Variants in MYH10 observed in about 807,000 individuals in gnomAD.
MYH10 encodes the protein myosin-10.
Under a neutral mutation model 257.8 loss-of-function variants are expected in MYH10, and 55 were observed. The ratio of observed to expected loss-of-function variants is 0.21; its 90% confidence interval spans 0.17 to 0.27. The LOEUF (loss-of-function observed/expected upper bound fraction) is 0.27, where lower values mean the gene tolerates loss of function less well. Among genes scored for constraint, MYH10 ranks in the 10% least tolerant of loss-of-function variants. The pLI, the probability that MYH10 is intolerant of heterozygous loss-of-function variation, is 1.00. For missense variants in MYH10, 1,631 were observed against 2,500.6 expected, an observed-to-expected ratio of 0.65 and a Z score of 7.42; for synonymous variants, 854 against 921.7, an observed-to-expected ratio of 0.93 and a Z score of 1.33.
At chr17:8,511,497 G>A (rs751781811) in intron 24 of MYH10, among the ~76,000 whole-genome samples, 2 of 152,112 alleles carry the variant, frequency 1.3e-5, no homozygotes, top group Non-Finnish European at 2.9e-5. Flanking sequence ...TCCAGCCTGG[G>A]CAACAAAGCG....
At chr17:8,612,535 G>A (rs1025581963) in intron 2 of MYH10, among the ~76,000 whole-genome samples, 3 of 152,010 alleles carry the variant, frequency 2.0e-5, no homozygotes, top group East Asian at 1.9e-4. Context: ...CTCCCACCAC[G>A]CCTAAATTGT....
At chr17:8,620,409 AG>A (rs1346528354) in intron 2 of MYH10, among the ~76,000 whole-genome samples, 3 of 152,218 alleles carry the variant, frequency 2.0e-5, no homozygotes, top group Admixed American at 2.0e-4. Flanking sequence ...AAACAGTATT[AG>A]AGAAGACATT....
intron 3 of MYH10, among the ~76,000 whole-genome samples, chr17:8,598,569 CTA>C (rs1484102403): frequency 2.0e-5 from 3 of 152,122 alleles, no homozygotes; most frequent in Admixed American, 2.0e-4. Context: ...AAAAAATTGT[CTA>C]TTATCTATTT....
At chr17:8,608,811 T>A (rs1316636719) in intron 2 of MYH10, among the ~76,000 whole-genome samples, 2 of 114,600 alleles carry the variant, frequency 1.7e-5, no homozygotes, top group African/African-American at 7.8e-5. Context: ...GATTGGGAAA[T>A]TTTTTTTTTT....
chr17:8,519,315 A>G (rs2081573925), intron 19 of MYH10, among the ~76,000 whole-genome samples: 1 of 152,168 alleles, frequency 6.6e-6, no homozygotes, highest in African/African-American at 2.4e-5. Flanking sequence ...GTCACTGTCA[A>G]TTTGTAGCAT....
intron 23 of MYH10, 74 bp from the exon 24 acceptor site, chr17:8,512,731 A>G (rs2081340917): frequency 8.2e-7 from 1 of 1,216,120 alleles, no homozygotes; most frequent in Non-Finnish European, 1.1e-6. Flanking sequence ...CGTGATTTCA[A>G]TGGTCAATGC....
chr17:8,594,862 T>C (rs2084301152), intron 3 of MYH10, among the ~76,000 whole-genome samples: 1 of 152,224 alleles, frequency 6.6e-6, no homozygotes. Context: ...TAGGGAATAA[T>C]GAAAAGAACA....
At position 8,475,376 on chromosome 17, in the gene MYH10, A is replaced by ATC. The variant is rs1912374782; in HGVS notation, c.*427_*428insGA. 1 of 160,932 alleles carries ATC rather than the reference A, an allele frequency of 6.2e-6. No individual in the cohort carries two copies. The highest frequency in any genetic ancestry group is 1.4e-5 in the Non-Finnish European group (1 of 73,260). The allele number at this position is 160,932 out of a possible 1,614,324, so 10.0% of individuals were successfully genotyped here. On this transcript the variant is annotated 3_prime_UTR_variant, in exon 43 of 43. Transcript: ENST00000360416. ...TCTAGGAGACTTGATGTGGCTGAGG[A>ATC]GTCGGGGGCCACGTGAACACAGAAC...
chr17:8,629,416 A>C (rs2085812930), intron 1 of MYH10, among the ~76,000 whole-genome samples: 1 of 150,168 alleles, frequency 6.7e-6, no homozygotes, highest in Non-Finnish European at 1.5e-5. Context: ...AAAGAAACAG[A>C]GATAACGGCT....
At chr17:8,492,052 C>T (rs1359929122) in intron 34 of MYH10, among the ~76,000 whole-genome samples, 1 of 152,210 alleles carries the variant, frequency 6.6e-6, no homozygotes, top group East Asian at 1.9e-4. Flanking sequence ...AGTGAAAGGA[C>T]AAGAAGAAAC....
At chr17:8,538,684 G>T (rs1305590116) in intron 14 of MYH10, among the ~76,000 whole-genome samples, 1 of 152,154 alleles carries the variant, frequency 6.6e-6, no homozygotes, top group Non-Finnish European at 1.5e-5. Context: ...AAAGGCTGAA[G>T]GAAGAGCCTA....
intron 9 of MYH10, among the ~76,000 whole-genome samples, chr17:8,550,512 G>C (rs1278192079): frequency 3.3e-5 from 5 of 151,608 alleles, no homozygotes; most frequent in Non-Finnish European, 7.4e-5. Flanking sequence ...GTCCGGGAGG[G>C]AGGTGGGGGG....
intron 2 of MYH10, among the ~76,000 whole-genome samples, chr17:8,613,386 C>T (rs988281339): frequency 1.3e-5 from 2 of 152,088 alleles, no homozygotes; most frequent in African/African-American, 4.8e-5. Flanking sequence ...TAATATGTGT[C>T]TTGTGGGTTT....
intron 28 of MYH10, among the ~76,000 whole-genome samples, chr17:8,503,679 C>T (rs1014140406): frequency 2.0e-5 from 3 of 152,330 alleles, no homozygotes; most frequent in Admixed American, 2.0e-4. Context: ...AACCTGTTTC[C>T]CTCCTGGTTG....
Position 8,484,160 on chromosome 17 carries a change from G to C in MYH10, c.5153C>G (p.Ala1718Gly). ...ESEKKLKSLE[A>G]EILQLQEELA... is the part of the protein sequence containing the mutation. ...AACCTCCTGCAATTGAAGGATTTCTGCTTCCAGACTCTTCAATTTCTTTTC... is the reference window on the plus strand; with the variant it reads ...AACCTCCTGCAATTGAAGGATTTCTCCTTCCAGACTCTTCAATTTCTTTTC... The change falls in exon 37 of 43, where the codon GCA becomes GGA. Residue 1718 changes from alanine (A) to glycine (G), a missense_variant. Physicochemically the swap from Ala to Gly is moderately conservative, Grantham distance 60 (BLOSUM62 0). This residue lies in a region of MYH10 where 6 missense variants were observed against 20.5 expected (regional missense o/e 0.29). Transcript: ENST00000360416. 15 of 1,602,666 alleles carry C rather than the reference G, an allele frequency of 9.4e-6. No homozygotes were observed. Among genetic ancestry groups the C allele is most frequent in the Non-Finnish European group, 1.3e-5 (15 of 1,176,420 alleles).
At chr17:8,616,667 G>T (rs774418505) in intron 2 of MYH10, among the ~76,000 whole-genome samples, 31 of 151,960 alleles carry the variant, frequency 2.0e-4, no homozygotes, top group Non-Finnish European at 4.1e-4. Flanking sequence ...AGGAATTAAA[G>T]ATAAAATATT....
chr17:8,555,314 C>T (rs140263522), intron 7 of MYH10, among the ~76,000 whole-genome samples: 1 of 152,018 alleles, frequency 6.6e-6, no homozygotes, highest in Non-Finnish European at 1.5e-5. Context: ...ATTGGGAAAT[C>T]GAAAAGGACT....
chr17:8,542,831 C>A (rs116900431), intron 13 of MYH10, among the ~76,000 whole-genome samples: 2,864 of 152,234 alleles, frequency 0.019, 45 homozygotes, highest in Non-Finnish European at 0.025. Context: ...GAGAGCTCAG[C>A]CAGGCCTGGC....
At chr17:8,568,437 C>T (rs576780593) in intron 7 of MYH10, among the ~76,000 whole-genome samples, 5 of 152,154 alleles carry the variant, frequency 3.3e-5, no homozygotes, top group South Asian at 4.2e-4. Flanking sequence ...ACCACACCAT[C>T]GGTAAATTAA....
Sources: allele counts gnomAD v4.1 joint callset (sites outside exome capture counted in the v4.1 genomes callset), GRCh38; gene constraint gnomAD v4.1.1; regional missense constraint gnomAD v4.1.1; transcripts MANE v1.5; gene names NCBI Gene and HGNC (gene_info 2026-07-23, HGNC 2026-07-21).